FHIT: variants seen among roughly 807,000 people sequenced by gnomAD.
The protein encoded by FHIT is fragile histidine triad diadenosine triphosphatase, also known as bis(5'-adenosyl)-triphosphatase.
A neutral mutation model predicts 17.9 loss-of-function variants in FHIT; 19 were observed. The observed-to-expected ratio is 1.06, with a 90% CI of 0.74 to 1.56. The LOEUF (loss-of-function observed/expected upper bound fraction) is 1.56. Ranked by LOEUF, FHIT falls within the 40% of genes most tolerant of loss-of-function variation. The pLI, the probability that FHIT is intolerant of heterozygous loss-of-function variation, is 0.00. For missense variants in FHIT, 248 were observed against 189.2 expected, an observed-to-expected ratio of 1.31 and a Z score of -1.82; for synonymous variants, 81 against 69.7, an observed-to-expected ratio of 1.16 and a Z score of -0.81.
At chr3:61,159,648 T>C (rs984596958) in intron 2 of FHIT, among the ~76,000 whole-genome samples, 1 of 152,256 alleles carries the variant, frequency 6.6e-6, no homozygotes, top group South Asian at 2.1e-4. Flanking sequence ...TAATTCTCAA[T>C]ACTTGTACAC....
At chr3:60,110,066 A>G (rs945943303) in intron 5 of FHIT, among the ~76,000 whole-genome samples, 1 of 152,158 alleles carries the variant, frequency 6.6e-6, no homozygotes, top group Non-Finnish European at 1.5e-5. Flanking sequence ...GCCCAATGTT[A>G]TGGCTATAAA....
intron 2 of FHIT, among the ~76,000 whole-genome samples, chr3:61,136,215 C>T (rs62268790): frequency 0.047 from 7,132 of 151,894 alleles, 240 homozygotes; most frequent in Non-Finnish European, 0.077. Flanking sequence ...CCACCACCGT[C>T]ACCACGCCCC....
chr3:60,025,732 C>A (rs1300933840), intron 5 of FHIT, among the ~76,000 whole-genome samples: 1 of 133,904 alleles, frequency 7.5e-6, no homozygotes, highest in African/African-American at 2.9e-5. Context: ...AAAATTCTAC[C>A]AGAAAAAAAA....
intron 4 of FHIT, among the ~76,000 whole-genome samples, chr3:60,569,844 C>T (rs2037313454): frequency 6.7e-6 from 1 of 149,120 alleles, no homozygotes; most frequent in Non-Finnish European, 1.5e-5. Flanking sequence ...CTTCGCCTCA[C>T]AGGTTCAAGT....
intron 3 of FHIT, among the ~76,000 whole-genome samples, chr3:60,854,620 T>C (rs1703300449): frequency 6.7e-6 from 1 of 149,832 alleles, no homozygotes; most frequent in African/African-American, 2.5e-5. Context: ...CATAGACGGC[T>C]GCTGGATCTC....
intron 8 of FHIT, among the ~76,000 whole-genome samples, chr3:59,781,392 G>A (rs780347): frequency 0.13 from 20,228 of 152,090 alleles, 1,438 homozygotes; most frequent in Middle Eastern, 0.18. Context: ...TGTGCTACTC[G>A]GTTCATAAAC....
At chr3:60,286,093 C>T (rs956622635) in intron 5 of FHIT, among the ~76,000 whole-genome samples, 1 of 152,110 alleles carries the variant, frequency 6.6e-6, no homozygotes, top group Non-Finnish European at 1.5e-5. Context: ...CTATTCACTC[C>T]ACCTGCACTG....
At chr3:60,676,311 G>A (rs550508906) in intron 4 of FHIT, among the ~76,000 whole-genome samples, 1 of 152,066 alleles carries the variant, frequency 6.6e-6, no homozygotes, top group Non-Finnish European at 1.5e-5. Context: ...ACAATCCTTT[G>A]GTGGTGTGGA....
intron 7 of FHIT, among the ~76,000 whole-genome samples, chr3:59,982,327 C>A (rs984489919): frequency 6.6e-6 from 1 of 151,852 alleles, no homozygotes; most frequent in African/African-American, 2.4e-5. Context: ...ACAAAAAATC[C>A]CCCAAGAAAC....
intron 5 of FHIT, among the ~76,000 whole-genome samples, chr3:60,443,521 T>C (rs1007762518): frequency 1.3e-5 from 2 of 152,182 alleles, no homozygotes; most frequent in East Asian, 1.9e-4. Flanking sequence ...TCTGCATGTA[T>C]TGAGATAATT....
intron 2 of FHIT, among the ~76,000 whole-genome samples, chr3:61,092,498 TAAAAA>T (rs1559974944): frequency 6.7e-6 from 1 of 150,104 alleles, no homozygotes; most frequent in African/African-American, 2.5e-5. Context: ...ATATGTCCCT[TAAAAA>T]TATATATATA....
intron 4 of FHIT, among the ~76,000 whole-genome samples, chr3:60,691,606 A>G (rs1385541077): frequency 2.6e-5 from 4 of 152,052 alleles, no homozygotes; most frequent in African/African-American, 9.7e-5. Context: ...GGCTTGAGCA[A>G]TCTGCCTGCA....
At chr3:60,368,193 TTTAAAAAAA>T (rs1700187718) in intron 5 of FHIT, among the ~76,000 whole-genome samples, 1 of 106,390 alleles carries the variant, frequency 9.4e-6, no homozygotes, top group African/African-American at 4.5e-5. Context: ...AACATATCTT[TTTAAAAAAA>T]AAAAAAAAAA....
At chr3:60,413,414 T>G (rs915047613) in intron 5 of FHIT, among the ~76,000 whole-genome samples, 1 of 152,108 alleles carries the variant, frequency 6.6e-6, no homozygotes, top group African/African-American at 2.4e-5. Context: ...ATTTTAACAA[T>G]GAAAGTAGCT....
chr3:60,022,092 TAGAA>T (rs1247284753), intron 5 of FHIT, among the ~76,000 whole-genome samples: 3 of 152,222 alleles, frequency 2.0e-5, no homozygotes, highest in Non-Finnish European at 1.5e-5. Flanking sequence ...AGTAATATTG[TAGAA>T]CACTACACAG....
intron 2 of FHIT, among the ~76,000 whole-genome samples, chr3:61,114,623 C>T (rs2036249046): frequency 6.6e-6 from 1 of 152,118 alleles, no homozygotes; most frequent in Admixed American, 6.5e-5. Context: ...ATTATTTAGT[C>T]AGCTGTGAGT....
At chr3:59,995,300 G>T (rs936010776) in intron 7 of FHIT, among the ~76,000 whole-genome samples, 1 of 151,930 alleles carries the variant, frequency 6.6e-6, no homozygotes, top group African/African-American at 2.4e-5. Context: ...GAATCTAACT[G>T]AAGATTCAAC....
chr3:60,608,189 T>C (rs1417520753), intron 4 of FHIT, among the ~76,000 whole-genome samples: 1 of 152,136 alleles, frequency 6.6e-6, no homozygotes, highest in Non-Finnish European at 1.5e-5. Context: ...CTATCTAATT[T>C]TCTCTCCTTT....
chr3:60,740,477 C>T (rs542702514), intron 4 of FHIT, among the ~76,000 whole-genome samples: 1 of 152,288 alleles, frequency 6.6e-6, no homozygotes, highest in South Asian at 2.1e-4. Flanking sequence ...AGAACAATAG[C>T]TGTTAGCATT....
Sources: allele counts gnomAD v4.1 joint callset (sites outside exome capture counted in the v4.1 genomes callset), GRCh38; gene constraint gnomAD v4.1.1; transcripts MANE v1.5; gene names NCBI Gene and HGNC (gene_info 2026-07-23, HGNC 2026-07-21).